TVP23A: variants seen among roughly 807,000 people sequenced by gnomAD.
The protein encoded by TVP23A is trans-golgi network vesicle protein 23 homolog A, also known as Golgi apparatus membrane protein TVP23 homolog A.
TVP23A carries 21 observed loss-of-function variants against 31.7 expected under a neutral mutation model. That is an observed-to-expected ratio of 0.66 (90% CI 0.47 to 0.95). The LOEUF is 0.95. Among genes scored for constraint, TVP23A ranks in the 40% least tolerant of loss-of-function variants. The probability of loss-of-function intolerance (pLI) is 0.00; values close to 1 mark genes in which losing one functional copy is unlikely to be tolerated. For synonymous variants in TVP23A, 104 were observed against 96.0 expected (o/e 1.08, Z -0.49); for missense variants, 279 against 255.6 (o/e 1.09, Z -0.62).
At chr16:10,762,123 G>A, downstream of TVP23A, 1 of 346,548 alleles carries the variant, frequency 2.9e-6, no homozygotes, top group Non-Finnish European at 5.4e-6. Context: ...GGTGAGGGTG[G>A]TGGTGGCAGG....
chr16:10,761,597 T>G, intron 8 of TVP23A: 1 of 1,008,634 alleles, frequency 9.9e-7, no homozygotes, highest in Non-Finnish European at 1.5e-6. Context: ...GAATCACAAT[T>G]AAAATCCCTT....
downstream of TVP23A, among the ~76,000 whole-genome samples, chr16:10,758,931 G>A (rs1349341352): frequency 1.3e-5 from 2 of 152,160 alleles, no homozygotes; most frequent in African/African-American, 2.4e-5. Context: ...TGTAAGTCCT[G>A]CAGAGAGCAA....
intron 2 of TVP23A, among the ~76,000 whole-genome samples, chr16:10,813,760 C>T (rs2034306347): frequency 6.6e-6 from 1 of 152,076 alleles, no homozygotes; most frequent in African/African-American, 2.4e-5. Context: ...AATCCCAGCA[C>T]TTTGGGAGGC....
chr16:10,784,466 T>G (rs1431673194), intron 2 of TVP23A, among the ~76,000 whole-genome samples: 1 of 145,744 alleles, frequency 6.9e-6, no homozygotes, highest in Non-Finnish European at 1.5e-5. Flanking sequence ...AGTGCTAAGG[T>G]GGGAGGATGG....
chr16:10,811,903 CAAAAAA>C (rs763108313), intron 2 of TVP23A, among the ~76,000 whole-genome samples: 10 of 42,282 alleles, frequency 2.4e-4, no homozygotes, highest in Admixed American at 7.1e-4. Context: ...GACTCCGTCT[CAAAAAA>C]AAAAAAAAAA....
At chr16:10,799,600 C>G (rs987582946) in intron 2 of TVP23A, among the ~76,000 whole-genome samples, 2 of 152,240 alleles carry the variant, frequency 1.3e-5, no homozygotes, top group African/African-American at 4.8e-5. Flanking sequence ...TCCCAAAACG[C>G]TGGAATTATA....
intron 2 of TVP23A, chr16:10,808,492 G>A (rs932509218): frequency 2.2e-6 from 1 of 454,178 alleles, no homozygotes; most frequent in African/African-American, 2.0e-5. Context: ...GCTGAACAAG[G>A]ACCAACCAAG....
At chr16:10,784,047 T>C (rs1456889200) in intron 2 of TVP23A, among the ~76,000 whole-genome samples, 1 of 152,110 alleles carries the variant, frequency 6.6e-6, no homozygotes, top group Admixed American at 6.6e-5. Flanking sequence ...ACTCATAGAA[T>C]GGGCTAGGCG....
chr16:10,795,336 C>T (rs1440081618), intron 2 of TVP23A, among the ~76,000 whole-genome samples: 1 of 151,788 alleles, frequency 6.6e-6, no homozygotes, highest in Non-Finnish European at 1.5e-5. Context: ...CTGCAACCTC[C>T]ACCTCCCGGG....
intron 2 of TVP23A, among the ~76,000 whole-genome samples, chr16:10,813,670 T>A (rs370189673): frequency 1.3e-5 from 2 of 152,036 alleles, no homozygotes; most frequent in Non-Finnish European, 2.9e-5. Flanking sequence ...TTTTCAGAGG[T>A]TTCCTGAACC....
chr16:10,761,498 G>T (rs1041745551), exon 9 of TVP23A: 1 of 1,589,958 alleles, frequency 6.3e-7, no homozygotes, highest in Non-Finnish European at 8.6e-7. Flanking sequence ...GGGCTGCCAG[G>T]CGAGCAAGAT....
chr16:10,787,246 G>A (rs2032817190), intron 2 of TVP23A, among the ~76,000 whole-genome samples: 1 of 152,182 alleles, frequency 6.6e-6, no homozygotes, highest in Non-Finnish European at 1.5e-5. Context: ...CAGATAGTGA[G>A]GATATGAGAG....
At chr16:10,762,460 G>A (rs372453198), downstream of TVP23A, among the ~76,000 whole-genome samples, 10 of 152,314 alleles carry the variant, frequency 6.6e-5, no homozygotes, top group East Asian at 1.5e-3. Flanking sequence ...CCACCCACAC[G>A]CCCGCCGGGC....
chr16:10,768,987 C>A lies in TVP23A; in HGVS notation c.*115G>T. 6.8e-7 allele frequency: 1 copy of A among 1,462,456 alleles called. No individual in the cohort carries two copies. The highest frequency in any genetic ancestry group is 9.6e-7 in the Non-Finnish European group (1 of 1,042,326). 90.6% of individuals were successfully genotyped at this position (1,462,456 alleles called of 1,614,324 possible). A position where few individuals can be genotyped will look rare whatever the true frequency, so the allele number is the denominator to read the frequency against. On this transcript the variant is annotated 3_prime_UTR_variant, in exon 8 of 8. Coordinates refer to ENST00000299866, the MANE Select transcript of TVP23A (RefSeq NM_001079512.4). This position sits in a 1 kb window ranked among gnomAD's most constrained non-coding sequence, Gnocchi z 4.3. ...AAACACAGCCCTCCCCAGCACAGGACAGGGCTGTCAAGGGGTAGACAAGCC... is the reference window on the plus strand; with the variant it reads ...AAACACAGCCCTCCCCAGCACAGGAAAGGGCTGTCAAGGGGTAGACAAGCC...
intron 5 of TVP23A, among the ~76,000 whole-genome samples, chr16:10,772,874 C>T (rs543868667): frequency 2.0e-5 from 3 of 152,076 alleles, no homozygotes; most frequent in African/African-American, 7.2e-5. Context: ...CACTGAATTC[C>T]ACACTTAGTA....
At position 10,768,783 on chromosome 16, in the gene TVP23A, T is replaced by C; in HGVS notation, c.*319A>G. On this transcript the variant is annotated 3_prime_UTR_variant, in exon 8 of 8. Coordinates refer to ENST00000299866, the MANE Select transcript of TVP23A (RefSeq NM_001079512.4). The surrounding 1 kb of genome is among the most constrained non-coding windows in gnomAD (Gnocchi z 4.3). ...GTTTTACTTGCCTAGAAGAATGATG[T>C]CAAGGGTAAGGAAACAGCATTCCCA... 2.6e-6 allele frequency: 1 copy of C among 390,352 alleles called. No homozygotes were observed. Among genetic ancestry groups the C allele is most frequent in the Non-Finnish European group, 4.6e-6 (1 of 219,104 alleles). The allele number at this position is 390,352 out of a possible 1,614,324, so 24.2% of individuals were successfully genotyped here.
At chr16:10,772,403 T>C (rs2031692828) in intron 5 of TVP23A, among the ~76,000 whole-genome samples, 2 of 152,174 alleles carry the variant, frequency 1.3e-5, no homozygotes, top group African/African-American at 4.8e-5. Flanking sequence ...GGAGCCTCAC[T>C]CTGTCACCCA....
intron 2 of TVP23A, among the ~76,000 whole-genome samples, chr16:10,786,218 T>A (rs574527310): frequency 9.2e-5 from 14 of 152,176 alleles, no homozygotes; most frequent in Non-Finnish European, 1.9e-4. Flanking sequence ...AAGATTTATT[T>A]TTCATCCACA....
At chr16:10,804,581 T>C (rs764181427) in intron 2 of TVP23A, among the ~76,000 whole-genome samples, 1 of 152,088 alleles carries the variant, frequency 6.6e-6, no homozygotes, top group Non-Finnish European at 1.5e-5. Context: ...ACCCTATCTC[T>C]ACAAAGAACA....
Sources: allele counts gnomAD v4.1 joint callset (sites outside exome capture counted in the v4.1 genomes callset), GRCh38; gene constraint gnomAD v4.1.1; non-coding constraint Gnocchi (gnomAD v3.1); transcripts MANE v1.5; gene names NCBI Gene and HGNC (gene_info 2026-07-23, HGNC 2026-07-21).